The following RTN4 variants were observed in gnomAD, a reference collection of about 807,000 sequenced individuals.
The protein encoded by RTN4 is reticulon-4.
In RTN4, 32 loss-of-function variants were observed where a neutral mutation model predicts 90.4. The ratio of observed to expected loss-of-function variants is 0.35; its 90% CI spans 0.27 to 0.48. The LOEUF (loss-of-function observed/expected upper bound fraction) is 0.48. Ranked by LOEUF, RTN4 falls within the 20% of genes least tolerant of loss-of-function variation. The pLI, the probability that RTN4 is intolerant of heterozygous loss-of-function variation, is 0.99. For missense variants in RTN4, 1,706 were observed against 1,430.2 expected, an observed-to-expected ratio of 1.19 and a Z score of -3.11; for synonymous variants, 629 against 552.5, an observed-to-expected ratio of 1.14 and a Z score of -1.94.
intron 1 of RTN4, among the ~76,000 whole-genome samples, chr2:55,032,739 C>T (rs1682409269): frequency 1.3e-5 from 2 of 151,974 alleles, no homozygotes; most frequent in African/African-American, 2.4e-5. Context: ...TTAAAAAAAG[C>T]AACAGTGGCC....
At chr2:55,049,572 C>A in intron 1 of RTN4, 173 bp downstream of exon 1, 1 of 1,075,704 alleles carries the variant, frequency 9.3e-7, no homozygotes, top group African/African-American at 1.6e-5. Flanking sequence ...GCTCCAAGGG[C>A]CGCCCCACCC....
intron 3 of RTN4, among the ~76,000 whole-genome samples, chr2:54,993,275 C>A: frequency 6.6e-6 from 1 of 152,090 alleles, no homozygotes; most frequent in East Asian, 1.9e-4. Context: ...AAAAAATTCA[C>A]CCCATTCTGT....
chr2:55,042,546 G>C (rs188331437), intron 1 of RTN4, among the ~76,000 whole-genome samples: 8 of 152,162 alleles, frequency 5.3e-5, no homozygotes. Context: ...ACTACTAACA[G>C]AGGGTGGATC....
At chr2:55,111,764 C>T (rs1270863846) in intron 1 of RTN4, among the ~76,000 whole-genome samples, 1 of 152,158 alleles carries the variant, frequency 6.6e-6, no homozygotes, top group Non-Finnish European at 1.5e-5. Context: ...TAATGTCCAC[C>T]CTTCCTTTAT....
At position 55,099,106 on chromosome 2, in the gene RTN4, T is replaced by C. The variant is rs554537463; in HGVS notation, c.-214+13414A>G. 7.1e-4 allele frequency among the ~76,000 whole-genome samples: 108 copies of C among 152,262 alleles called. 1 individual carries two copies. In the South Asian group the frequency reaches 0.021, roughly 30 times the overall value. ...GAAAGGGGACTCTATTACTCCTTTG[T>C]TGTTTAGTGGCTGAATTAGTTCTTT... On this transcript the variant is annotated intron_variant, in intron 1 of 3. Coordinates refer to the RTN4 transcript ENST00000427710.
At chr2:55,100,105 G>T (rs1573516998) in intron 1 of RTN4, among the ~76,000 whole-genome samples, 1 of 152,080 alleles carries the variant, frequency 6.6e-6, no homozygotes, top group Admixed American at 6.6e-5. Flanking sequence ...AACATTTCCT[G>T]TAAAGGAATC....
chr2:55,134,935 C>T, the RTN4 span, among the ~76,000 whole-genome samples: 1 of 152,112 alleles, frequency 6.6e-6, no homozygotes, highest in African/African-American at 2.4e-5. Flanking sequence ...CTGTTGAGCA[C>T]TTGAAATGTG....
At chr2:55,043,032 T>C (rs1683178712) in intron 1 of RTN4, among the ~76,000 whole-genome samples, 1 of 152,170 alleles carries the variant, frequency 6.6e-6, no homozygotes, top group South Asian at 2.1e-4. Context: ...AAATATGAAA[T>C]TATCAACTCC....
chr2:55,133,411 C>A, the RTN4 span, among the ~76,000 whole-genome samples: 1 of 152,182 alleles, frequency 6.6e-6, no homozygotes, highest in Non-Finnish European at 1.5e-5. Context: ...CTTGCAAAAG[C>A]AATAAATACT....
chr2:55,004,393 T>A (rs898434327), intron 3 of RTN4, among the ~76,000 whole-genome samples: 1 of 152,146 alleles, frequency 6.6e-6, no homozygotes, highest in Non-Finnish European at 1.5e-5. Context: ...TGTGGCATGG[T>A]CCTGTGTGGG....
chr2:55,030,855 G>T (rs148429353), intron 1 of RTN4, among the ~76,000 whole-genome samples: 17 of 152,250 alleles, frequency 1.1e-4, no homozygotes, highest in African/African-American at 3.6e-4. Context: ...CCTGAAACAA[G>T]GTAAATCGTC....
chr2:55,049,763 C>A lies in RTN4; in HGVS notation c.538G>T (p.Gly180Cys), dbSNP rs192552854. 1 of 1,335,334 alleles carries A rather than the reference C, an allele frequency of 7.5e-7. No individual in the cohort carries two copies. Among genetic ancestry groups the A allele is most frequent in the African/African-American group, 1.5e-5 (1 of 65,234 alleles). 82.7% of individuals were successfully genotyped at this position (1,335,334 alleles called of 1,614,324 possible). The change falls in exon 1 of 9, where the codon GGC (glycine) becomes TGC (cysteine). Residue 180 changes from glycine to cysteine, a missense_variant. Coordinates refer to ENST00000337526, the MANE Select transcript of RTN4 (RefSeq NM_020532.5). ...PSTPAAPKRR[G>C]SSGSVDETLF... The stretch of plus-strand genomic sequence containing the variant: ...CACTCACCCACTGAGCCCGAGGAGC[C>A]CCTGCGCTTGGGCGCGGCCGGGGTG...
At chr2:55,038,147 G>T (rs759708840) in intron 1 of RTN4, among the ~76,000 whole-genome samples, 2 of 151,970 alleles carry the variant, frequency 1.3e-5, no homozygotes, top group Non-Finnish European at 2.9e-5. Context: ...CCTCAAAACG[G>T]ATCAAGACAA....
chr2:55,005,404 T>C (rs1409669751), intron 3 of RTN4, among the ~76,000 whole-genome samples: 3 of 152,202 alleles, frequency 2.0e-5, no homozygotes, highest in African/African-American at 7.2e-5. Context: ...AGTAATTTAA[T>C]GAGTTAACAC....
intron 3 of RTN4, among the ~76,000 whole-genome samples, chr2:55,016,626 T>C (rs1000567933): frequency 2.0e-5 from 3 of 152,068 alleles, no homozygotes; most frequent in Non-Finnish European, 4.4e-5. Flanking sequence ...GAAAGTAGAC[T>C]AGAATAATAT....
rs201749822 is a variant in RTN4 at position 54,972,331 on chromosome 2, T to C, written c.*825A>G. The C allele has an allele frequency of 2.0e-5, 3 of 152,628 alleles. No individual in the cohort carries two copies. The highest frequency in any genetic ancestry group is 4.4e-5 in the Non-Finnish European group (3 of 68,040). The allele number at this position is 152,628 out of a possible 1,614,324, so 9.5% of individuals were successfully genotyped here. On this transcript the variant is annotated 3_prime_UTR_variant, in exon 9 of 9. Coordinates refer to ENST00000337526, the MANE Select transcript of RTN4 (RefSeq NM_020532.5). Reference sequence around the variant, plus strand: ...TTTCTTGCATAACAATGTTTGATATTTGCAAACAAACAACATTTTTGGAAG... The same window carrying C: ...TTTCTTGCATAACAATGTTTGATATCTGCAAACAAACAACATTTTTGGAAG...
intron 4 of RTN4, among the ~76,000 whole-genome samples, chr2:54,984,489 T>C (rs1286800832): frequency 3.3e-5 from 5 of 152,236 alleles, no homozygotes. Context: ...GTGGCTGATA[T>C]AACCCTGGTT....
In RTN4 at chr2:55,018,719, A is replaced by G. The variant is rs1573393840; in HGVS notation, c.3013+6367T>C. Among the ~76,000 whole-genome samples the G allele has an allele frequency of 2.0e-5, 3 of 152,294 alleles. No homozygotes were observed. The East Asian group carries it at 5.8e-4, about 29-fold the overall frequency. ...GAATGGATTAGAATTAGAGGTATCT[A>G]TGTGAACTCATTTCTTAAGTATGTA... On this transcript the variant is annotated intron_variant, in intron 3 of 8. Coordinates refer to ENST00000337526, the MANE Select transcript of RTN4 (RefSeq NM_020532.5).
At chr2:55,084,655 G>A (rs1019298600) in intron 1 of RTN4, among the ~76,000 whole-genome samples, 2 of 152,182 alleles carry the variant, frequency 1.3e-5, no homozygotes, top group African/African-American at 2.4e-5. Context: ...CCCTTAACCT[G>A]TGGCGTCTGT....
Sources: gnomAD v4.1 joint callset for allele counts (sites outside exome capture counted in the v4.1 genomes callset) on GRCh38, gnomAD v4.1.1 for gene constraint, MANE v1.5 for transcripts, NCBI Gene and HGNC (gene_info 2026-07-23, HGNC 2026-07-21) for gene names.